CCDC178: variants seen among roughly 807,000 people sequenced by gnomAD.
The protein encoded by CCDC178 is coiled-coil domain-containing protein 178.
In CCDC178, 126 loss-of-function variants were observed where a neutral mutation model predicts 117.4. That is an observed-to-expected ratio of 1.07 (90% CI 0.93 to 1.24). CCDC178 has a LOEUF of 1.24. CCDC178 is among the 50% of genes most tolerant of loss of function. CCDC178 has a pLI of 0.00. For synonymous variants in CCDC178, 283 were observed against 313.4 expected (o/e 0.90, Z 1.02); for missense variants, 1,030 against 986.9 (o/e 1.04, Z -0.59).
At chr18:33,401,241 T>C (rs997397774) in intron 3 of CCDC178, among the ~76,000 whole-genome samples, 1 of 152,222 alleles carries the variant, frequency 6.6e-6, no homozygotes. Flanking sequence ...CATTGATACA[T>C]GAAGTTTTTC....
intron 21 of CCDC178, among the ~76,000 whole-genome samples, chr18:33,091,383 C>T (rs573114326): frequency 9.2e-6 from 1 of 108,578 alleles, no homozygotes; most frequent in East Asian, 3.1e-4. Context: ...GTTGCCCATG[C>T]TGGAGTGCAG....
At chr18:33,200,259 A>C (rs1285914370) in intron 20 of CCDC178, among the ~76,000 whole-genome samples, 1 of 152,196 alleles carries the variant, frequency 6.6e-6, no homozygotes, top group Non-Finnish European at 1.5e-5. Context: ...TTGATGGGAG[A>C]GGCTTCTAAG....
chr18:33,235,659 A>G (rs997773717), intron 15 of CCDC178, among the ~76,000 whole-genome samples: 1 of 152,078 alleles, frequency 6.6e-6, no homozygotes, highest in African/African-American at 2.4e-5. Flanking sequence ...TTCCACCAGA[A>G]TTCCATTATA....
At chr18:32,956,295 CTAAT>C (rs2054590594) in intron 22 of CCDC178, among the ~76,000 whole-genome samples, 1 of 152,020 alleles carries the variant, frequency 6.6e-6, no homozygotes, top group African/African-American at 2.4e-5. Flanking sequence ...AAATTTTAAA[CTAAT>C]TATTTATTTA....
At chr18:33,438,521 A>G (rs1407378438) in intron 2 of CCDC178, among the ~76,000 whole-genome samples, 1 of 145,006 alleles carries the variant, frequency 6.9e-6, no homozygotes, top group Non-Finnish European at 1.5e-5. Flanking sequence ...TACGGCATAC[A>G]CACACACACA....
chr18:33,156,777 C>A, intron 20 of CCDC178, among the ~76,000 whole-genome samples: 1 of 152,074 alleles, frequency 6.6e-6, no homozygotes, highest in Non-Finnish European at 1.5e-5. Flanking sequence ...ATTTCCACTA[C>A]GAGAGTTTCT....
At position 33,084,422 on chromosome 18, in the gene CCDC178, T is replaced by C. The variant is rs149111812; in HGVS notation, c.2388+8339A>G. Among the ~76,000 whole-genome samples, 4 of 152,272 alleles carry C rather than the reference T, an allele frequency of 2.6e-5. No individual in the cohort carries two copies. In the South Asian group the frequency reaches 8.3e-4, roughly 32 times the overall value. On this transcript the variant is annotated intron_variant, in intron 21 of 22. Coordinates refer to ENST00000383096, the MANE Select transcript of CCDC178 (RefSeq NM_001105528.4). The stretch of plus-strand genomic sequence containing the variant: ...ATGAAGATTACAATGACATATTCCA[T>C]ATTAGGTATTTCTGGGAAATTTTTG...
At position 32,937,588 on chromosome 18, in the gene CCDC178, C is replaced by A; in HGVS notation, c.*423G>T. ...TTAGACAGAGTGTCTCAAAGTGTCA[C>A]ATGGGCATAGATATTGTTACAGTTT... On this transcript the variant is annotated 3_prime_UTR_variant, in exon 23 of 23. Transcript: ENST00000383096. 6.1e-6 allele frequency: 1 copy of A among 162,922 alleles called. No individual in the cohort carries two copies. Among genetic ancestry groups the A allele is most frequent in the Admixed American group, 6.2e-5 (1 of 16,222 alleles). The allele number at this position is 162,922 out of a possible 1,614,324, so 10.1% of individuals were successfully genotyped here. A position where few individuals can be genotyped will look rare whatever the true frequency, so the allele number is the denominator to read the frequency against.
At chr18:33,134,640 GA>G (rs1425844746) in intron 20 of CCDC178, among the ~76,000 whole-genome samples, 4 of 151,994 alleles carry the variant, frequency 2.6e-5, no homozygotes, top group Admixed American at 6.6e-5. Context: ...TATTAGAAAT[GA>G]CCAAAATGTC....
chr18:33,224,930 GT>G lies in CCDC178; in HGVS notation c.1662del (p.Lys554AsnfsTer17), dbSNP rs753180261. On this transcript the variant is annotated frameshift_variant, in exon 17 of 23. Coordinates refer to ENST00000383096, the MANE Select transcript of CCDC178 (RefSeq NM_001105528.4). LOFTEE classifies it high-confidence loss of function. ...GCCTGGACTTCGTAAATGGAATATAGTTTTTTCTGCCAGCAAAGATTTTAAA... is the reference window on the plus strand; with the variant it reads ...GCCTGGACTTCGTAAATGGAATATAGTTTTTCTGCCAGCAAAGATTTTAAA... ...EVAAGMVLQKKLYSIYEVQAL... is the reference protein window; with the variant it reads ...EVAAGMVLQKXLYSIYEVQAL... 8.2e-6 allele frequency: 12 copies of G among 1,472,094 alleles called. No homozygotes were observed. Among genetic ancestry groups the G allele is most frequent in the Admixed American group, 4.9e-5 (2 of 40,496 alleles). The allele number at this position is 1,472,094 out of a possible 1,614,324, so 91.2% of individuals were successfully genotyped here.
intron 21 of CCDC178, among the ~76,000 whole-genome samples, chr18:33,064,461 G>T (rs1176028321): frequency 6.6e-6 from 1 of 152,168 alleles, no homozygotes; most frequent in Non-Finnish European, 1.5e-5. Context: ...AATGATTTCT[G>T]AACTTGAAGA....
At chr18:33,055,261 C>T (rs1369080251) in intron 21 of CCDC178, among the ~76,000 whole-genome samples, 3 of 152,086 alleles carry the variant, frequency 2.0e-5, no homozygotes, top group Non-Finnish European at 4.4e-5. Context: ...TGTGCAGAAG[C>T]TCTTTAGTTT....
At chr18:33,324,872 CTA>C (rs1392308165) in intron 10 of CCDC178, among the ~76,000 whole-genome samples, 1 of 151,560 alleles carries the variant, frequency 6.6e-6, no homozygotes, top group Non-Finnish European at 1.5e-5. Flanking sequence ...ATATTTTTAA[CTA>C]TTTATTGAAA....
Position 33,389,537 on chromosome 18 carries a change from C to T in CCDC178, c.208+3G>A, listed in dbSNP as rs2063539091. On this transcript the variant is annotated splice_donor_region_variant and intron_variant, in intron 5 of 22. Coordinates refer to ENST00000383096, the MANE Select transcript of CCDC178 (RefSeq NM_001105528.4). Reference sequence around the variant, plus strand: ...TACTATATGATTTACATTCAGTCCTCACCTTCAGTATTTGTCATTTTACTT... The same window carrying T: ...TACTATATGATTTACATTCAGTCCTTACCTTCAGTATTTGTCATTTTACTT... 2 of 1,455,764 alleles carry T rather than the reference C, an allele frequency of 1.4e-6. No homozygotes were observed. Among genetic ancestry groups the T allele is most frequent in the South Asian group, 3.0e-5 (2 of 67,254 alleles). The allele number at this position is 1,455,764 out of a possible 1,614,324, so 90.2% of individuals were successfully genotyped here.
At chr18:33,237,528 C>T (rs532352585) in intron 15 of CCDC178, among the ~76,000 whole-genome samples, 16 of 152,220 alleles carry the variant, frequency 1.1e-4, no homozygotes, top group African/African-American at 2.9e-4. Flanking sequence ...CATGTCGACT[C>T]GATAAACAGC....
At chr18:32,986,588 G>T (rs1351132736) in intron 21 of CCDC178, among the ~76,000 whole-genome samples, 4 of 152,044 alleles carry the variant, frequency 2.6e-5, no homozygotes, top group Admixed American at 2.6e-4. Flanking sequence ...CTGAAACTGA[G>T]AGTTTATTTC....
At chr18:33,170,751 C>A (rs964579064) in intron 20 of CCDC178, among the ~76,000 whole-genome samples, 6 of 152,216 alleles carry the variant, frequency 3.9e-5, no homozygotes, top group African/African-American at 1.4e-4. Context: ...AACCACTTAA[C>A]TAGCTCAAGT....
rs369339410 is a variant in CCDC178 at position 33,356,317 on chromosome 18, T to C, written c.371+7A>G. The C allele has an allele frequency of 1.1e-4, 170 of 1,478,784 alleles. No homozygotes were observed. The highest frequency in any genetic ancestry group is 1.4e-4 in the Non-Finnish European group (150 of 1,094,440). The allele number at this position is 1,478,784 out of a possible 1,614,324, so 91.6% of individuals were successfully genotyped here. On this transcript the variant is annotated splice_region_variant and intron_variant, in intron 7 of 22. Coordinates refer to ENST00000383096, the MANE Select transcript of CCDC178 (RefSeq NM_001105528.4). The stretch of plus-strand genomic sequence containing the variant: ...AAATAGTTTTAAAAAGCATGAAATT[T>C]TCTTACCATTCTTCAAAAGAAGTTT...
intron 11 of CCDC178, among the ~76,000 whole-genome samples, chr18:33,315,659 A>G (rs9946074): frequency 0.28 from 43,009 of 152,056 alleles, 6,503 homozygotes; most frequent in East Asian, 0.49. Context: ...TATTGTCAAA[A>G]GTGTTCGAAC....
Sources: allele counts gnomAD v4.1 joint callset (sites outside exome capture counted in the v4.1 genomes callset), GRCh38; gene constraint gnomAD v4.1.1; transcripts MANE v1.5; gene names NCBI Gene and HGNC (gene_info 2026-07-23, HGNC 2026-07-21).